Variants in PARP4 observed in about 807,000 individuals in gnomAD.
PARP4 encodes protein mono-ADP-ribosyltransferase PARP4.
In PARP4, 120 loss-of-function variants were observed where a neutral mutation model predicts 187.7. That is an observed-to-expected ratio of 0.64 (90% confidence interval 0.55 to 0.74). The LOEUF (loss-of-function observed/expected upper bound fraction) is 0.74. PARP4 is among the 30% of genes least tolerant of loss of function. PARP4 has a pLI of 0.00. For synonymous variants in PARP4, 654 were observed against 740.9 expected, an observed-to-expected ratio of 0.88 and a Z score of 1.90; for missense variants, 1,836 against 2,070.5, an observed-to-expected ratio of 0.89 and a Z score of 2.20.
intron 17 of PARP4, among the ~76,000 whole-genome samples, chr13:24,462,838 T>A (rs2137487906): frequency 6.6e-6 from 1 of 151,532 alleles, no homozygotes; most frequent in South Asian, 2.1e-4. Context: ...CAATAGAAAT[T>A]ATCCAAAATA....
chr13:24,433,692 A>G lies in PARP4; in HGVS notation c.4746+703T>C, dbSNP rs1178906095. Among the ~76,000 whole-genome samples, 5 of 152,324 alleles carry G rather than the reference A, an allele frequency of 3.3e-5. No homozygotes were observed. The East Asian group carries it at 9.6e-4, about 29-fold the overall frequency. On this transcript the variant is annotated intron_variant, in intron 31 of 33. Coordinates refer to ENST00000381989, the MANE Select transcript of PARP4 (RefSeq NM_006437.4). ...AAACCCACTCTGTGAAGTAGACACTATCATTATCTCCACTATATGGATGAG... is the reference window on the plus strand; with the variant it reads ...AAACCCACTCTGTGAAGTAGACACTGTCATTATCTCCACTATATGGATGAG...
chr13:24,442,251 T>C (rs1314995551), intron 29 of PARP4, among the ~76,000 whole-genome samples: 2 of 151,780 alleles, frequency 1.3e-5, no homozygotes, highest in Admixed American at 1.3e-4. Context: ...TTTTCGGCCT[T>C]TTCTATTTTT....
At chr13:24,492,760 T>A (rs1868730625) in intron 8 of PARP4, among the ~76,000 whole-genome samples, 166 bp from the exon 9 acceptor site, 1 of 152,218 alleles carries the variant, frequency 6.6e-6, no homozygotes, top group Non-Finnish European at 1.5e-5. Context: ...GTATCTCAGT[T>A]GTGGCAAAGA....
chr13:24,435,210 A>T lies in PARP4; in HGVS notation c.3931T>A (p.Ser1311Thr). 1 of 1,614,178 alleles carries T rather than the reference A, an allele frequency of 6.2e-7. No individual in the cohort carries two copies. The highest frequency in any genetic ancestry group is 8.5e-7 in the Non-Finnish European group (1 of 1,180,020). ...LFKKVSPWETSTSSFFPILAP... is the reference protein window; with the variant it reads ...LFKKVSPWETTTSSFFPILAP... ...AAAATAGGAAAAAAGCTAGAAGTAG[A>T]TGTTTCCCATGGACTGACTTTCTTA... The change falls in exon 31 of 34, where the codon TCT becomes ACT. Residue 1311 changes from serine to threonine, a missense_variant. This residue lies in a region of PARP4 where 450 missense variants were observed against 439.2 expected (regional missense o/e 1.02). Coordinates refer to ENST00000381989, the MANE Select transcript of PARP4 (RefSeq NM_006437.4).
At chr13:24,492,655 G>A in intron 8 of PARP4, 61 bp from the exon 9 acceptor site, 1 of 1,316,354 alleles carries the variant, frequency 7.6e-7, no homozygotes, top group Non-Finnish European at 1.1e-6. Context: ...TAAGGAGCAT[G>A]CACAAAACTA....
intron 10 of PARP4, among the ~76,000 whole-genome samples, chr13:24,488,477 T>C (rs1868447942): frequency 6.6e-6 from 1 of 151,806 alleles, no homozygotes; most frequent in Non-Finnish European, 1.5e-5. Context: ...CCTCAGCCCC[T>C]GGAGTAACTG....
rs1873061413 is a variant in PARP4 at position 24,477,774 on chromosome 13, C to T, written c.1716G>A (p.Lys572=). The T allele has an allele frequency of 6.3e-7, 1 of 1,579,090 alleles. No individual in the cohort carries two copies. Among genetic ancestry groups the T allele is most frequent in the East Asian group, 2.2e-5 (1 of 44,476 alleles). ...IKFSMPGDQI[K]DFHPSDHTEL... The stretch of plus-strand genomic sequence containing the variant: ...CAGTATGATCACTAGGATGAAAGTC[C>T]TTTATCTGATCTCCAGGCATGGAAA... Residue 572 remains lysine, a synonymous_variant, in exon 14 of 34, where the codon AAG becomes AAA. Coordinates refer to ENST00000381989, the MANE Select transcript of PARP4 (RefSeq NM_006437.4).
rs1449345281 is a variant in PARP4 at position 24,494,737 on chromosome 13, G to T, written c.592-15C>A. The stretch of plus-strand genomic sequence containing the variant: ...TGTCTTCTAGTCTGTGAATTATGGT[G>T]TATAGCAAAAGTACAGTCATTATTT... On this transcript the variant is annotated splice_polypyrimidine_tract_variant and intron_variant, in intron 6 of 33. Coordinates refer to ENST00000381989, the MANE Select transcript of PARP4 (RefSeq NM_006437.4). 1.9e-6 allele frequency: 3 copies of T among 1,572,820 alleles called. No homozygotes were observed.
At chr13:24,446,251 C>T (rs1465609765) in intron 27 of PARP4, among the ~76,000 whole-genome samples, 1 of 152,142 alleles carries the variant, frequency 6.6e-6, no homozygotes, top group Admixed American at 6.5e-5. Context: ...CACTGATGCC[C>T]ATATAGACAT....
intron 15 of PARP4, among the ~76,000 whole-genome samples, chr13:24,474,998 G>T (rs558794761): frequency 6.6e-6 from 1 of 152,284 alleles, no homozygotes; most frequent in South Asian, 2.1e-4. Context: ...GGCATGTGAT[G>T]TTCCCGCTGC....
intron 4 of PARP4, 33 bp downstream of exon 4, chr13:24,500,283 T>C (rs761871530): frequency 2.6e-5 from 35 of 1,322,838 alleles, no homozygotes; most frequent in Middle Eastern, 1.8e-4. Flanking sequence ...ACAAACTCTG[T>C]AGAGTCCCAG....
At chr13:24,504,362 G>A (rs1179474994) in intron 1 of PARP4, among the ~76,000 whole-genome samples, 2 of 122,934 alleles carry the variant, frequency 1.6e-5, no homozygotes, top group African/African-American at 6.4e-5. Context: ...CACCCAAGCT[G>A]GAGTGCAGTG....
chr13:24,459,991 G>C lies in PARP4; in HGVS notation c.2279C>G (p.Ala760Gly). The C allele has an allele frequency of 6.2e-7, 1 of 1,613,936 alleles. No homozygotes were observed. Among genetic ancestry groups the C allele is most frequent in the Non-Finnish European group, 8.5e-7 (1 of 1,179,950 alleles). Residue 760 changes from alanine to glycine, a missense_variant, in exon 18 of 34, where the codon GCT becomes GGT. Ala to Gly is a moderately conservative substitution (Grantham distance 60). Coordinates refer to ENST00000381989, the MANE Select transcript of PARP4 (RefSeq NM_006437.4). ...ATVAPWQQDKALNENLQDTVE... is the reference protein window; with the variant it reads ...ATVAPWQQDKGLNENLQDTVE... ...ACAAACCTGAAGGTTTTCATTCAAA[G>C]CCTTGTCCTGTTGCCAGGGTGCTAC...
At chr13:24,481,362 A>C (rs989647912) in intron 12 of PARP4, among the ~76,000 whole-genome samples, 2 of 152,248 alleles carry the variant, frequency 1.3e-5, no homozygotes, top group African/African-American at 4.8e-5. Flanking sequence ...GCCATGGATC[A>C]AGGAGTAATT....
At position 24,490,745 on chromosome 13, in the gene PARP4, C is replaced by T. The variant is rs774703605; in HGVS notation, c.1137G>A (p.Arg379=). ...PPSLAKYRAL[R]CKIEHVEQNT... ...TCTGTTCAACATGCTCAATTTTGCACCTCAAAGCTCGGTATTTGGCCAGGG... is the reference window on the plus strand; with the variant it reads ...TCTGTTCAACATGCTCAATTTTGCATCTCAAAGCTCGGTATTTGGCCAGGG... The change falls in exon 10 of 34, where the codon AGG becomes AGA. Residue 379 remains arginine, a synonymous_variant. Coordinates refer to ENST00000381989, the MANE Select transcript of PARP4 (RefSeq NM_006437.4). 3.7e-6 allele frequency: 6 copies of T among 1,614,062 alleles called. No individual in the cohort carries two copies. The highest frequency in any genetic ancestry group is 1.7e-5 in the Admixed American group (1 of 60,028).
At chr13:24,455,615 T>C (rs1350634460) in intron 21 of PARP4, among the ~76,000 whole-genome samples, 1 of 96,854 alleles carries the variant, frequency 1.0e-5, no homozygotes, top group Non-Finnish European at 2.1e-5. Flanking sequence ...GTAAGTTTCC[T>C]TTTTTTTTTT....
rs1264132498 is a variant in PARP4, at chr13:24,433,101, G to A, written c.4746+1294C>T. Among the ~76,000 whole-genome samples, 10 of 152,170 alleles carry A rather than the reference G, an allele frequency of 6.6e-5. No individual in the cohort carries two copies. The East Asian group carries it at 7.7e-4, about 12-fold the overall frequency. ...GAAACTGAGGCAGGGCTTGCGTAAC[G>A]TCCTCTGGAATGTGTCTAGACTTGC... On this transcript the variant is annotated intron_variant, in intron 31 of 33. Transcript: ENST00000381989.
intron 10 of PARP4, 50 bp from the exon 11 acceptor site, chr13:24,486,355 C>G: frequency 1.6e-6 from 2 of 1,272,520 alleles, no homozygotes; most frequent in South Asian, 1.3e-5. Flanking sequence ...GGAAACAAAA[C>G]AAAAAGTCAT....
chr13:24,471,791 G>C (rs143985101), intron 15 of PARP4, among the ~76,000 whole-genome samples: 2 of 152,254 alleles, frequency 1.3e-5, no homozygotes, highest in South Asian at 4.1e-4. Flanking sequence ...GAGGACACAC[G>C]CCTCTCCCTG....
Sources: gnomAD v4.1 joint callset for allele counts (sites outside exome capture counted in the v4.1 genomes callset) on GRCh38, gnomAD v4.1.1 for gene constraint, gnomAD v4.1.1 regional missense constraint, MANE v1.5 for transcripts, NCBI Gene and HGNC (gene_info 2026-07-23, HGNC 2026-07-21) for gene names.